Variants in XPA observed in about 807,000 individuals in gnomAD.
The protein encoded by XPA is DNA repair protein complementing XP-A cells.
Under a neutral mutation model 35.7 loss-of-function variants are expected in XPA, and 27 were observed. The ratio of observed to expected loss-of-function variants is 0.76; its 90% CI spans 0.56 to 1.04. XPA has a LOEUF of 1.04. XPA is among the 50% of genes least tolerant of loss of function. The pLI, the probability that XPA is intolerant of heterozygous loss-of-function variation, is 0.00. For synonymous variants in XPA, 133 were observed against 118.4 expected, an observed-to-expected ratio of 1.12 and a Z score of -0.80; for missense variants, 354 against 342.7, an observed-to-expected ratio of 1.03 and a Z score of -0.26.
At chr9:97,683,384 T>C (rs1419890173) in intron 5 of XPA, among the ~76,000 whole-genome samples, 1 of 152,176 alleles carries the variant, frequency 6.6e-6, no homozygotes, top group Non-Finnish European at 1.5e-5. Context: ...AATACAGCAG[T>C]GGCTAATTTT....
At chr9:97,674,810 A>G (rs3176756), downstream of XPA, 61 of 387,880 alleles carry the variant, frequency 1.6e-4, no homozygotes, top group Admixed American at 2.1e-3. Flanking sequence ...ATAGTCAACC[A>G]TGAAAACAGC....
chr9:97,675,762 CT>C (rs1158332402), intron 5 of XPA, 175 bp from the exon 6 acceptor site: 7 of 769,574 alleles, frequency 9.1e-6, no homozygotes, highest in Admixed American at 6.9e-5. Context: ...GGCAAACTTA[CT>C]TTCTTACCTC....
At chr9:97,682,810 T>A (rs989110181) in intron 5 of XPA, among the ~76,000 whole-genome samples, 2 of 152,216 alleles carry the variant, frequency 1.3e-5, no homozygotes, top group Non-Finnish European at 2.9e-5. Context: ...ATATTAAAGT[T>A]TATATTTCTT....
At chr9:97,676,806 T>C (rs2131380970) in intron 5 of XPA, among the ~76,000 whole-genome samples, 1 of 152,334 alleles carries the variant, frequency 6.6e-6, no homozygotes, top group South Asian at 2.1e-4. Flanking sequence ...ACTTTGACAT[T>C]ATTTTAGTGC....
chr9:97,674,624 T>A (rs931793528), downstream of XPA, among the ~76,000 whole-genome samples: 1 of 152,138 alleles, frequency 6.6e-6, no homozygotes, highest in Non-Finnish European at 1.5e-5. Flanking sequence ...TGCGGTGATG[T>A]GAGACTTCAC....
At chr9:97,658,879 T>A in the XPA span, 1 of 674,232 alleles carries the variant, frequency 1.5e-6, no homozygotes, top group East Asian at 2.7e-5. Flanking sequence ...AGGTGGTCTA[T>A]CATTAGCCAC....
At chr9:97,696,293 AC>A (rs1388410545) in intron 1 of XPA, among the ~76,000 whole-genome samples, 14 of 152,214 alleles carry the variant, frequency 9.2e-5, no homozygotes, top group Admixed American at 5.9e-4. Flanking sequence ...GCCCTGAAGA[AC>A]TGCCTGTCAA....
chr9:97,663,100 A>T, the XPA span: 168 of 1,353,896 alleles, frequency 1.2e-4, 3 homozygotes, highest in East Asian at 2.8e-3. Flanking sequence ...GGGTATAAAA[A>T]TAAGGCCGTT....
At chr9:97,689,419 C>A in intron 3 of XPA, 115 bp downstream of exon 3, 1 of 740,846 alleles carries the variant, frequency 1.3e-6, no homozygotes. Flanking sequence ...TAGGAAACAC[C>A]CAAAATGAAA....
At chr9:97,686,411 TA>T (rs1828718517) in intron 4 of XPA, among the ~76,000 whole-genome samples, 1 of 152,214 alleles carries the variant, frequency 6.6e-6, no homozygotes, top group Non-Finnish European at 1.5e-5. Flanking sequence ...TATAGAGCTA[TA>T]TGGACACTCG....
the XPA span, among the ~76,000 whole-genome samples, chr9:97,659,953 T>C: frequency 2.6e-5 from 4 of 152,204 alleles, no homozygotes; most frequent in Admixed American, 6.5e-5. Flanking sequence ...ACTTTGCCAT[T>C]ACCCCAGTCT....
At chr9:97,684,742 T>C (rs1473572065) in intron 5 of XPA, among the ~76,000 whole-genome samples, 181 bp downstream of exon 5, 1 of 152,196 alleles carries the variant, frequency 6.6e-6, no homozygotes, top group Non-Finnish European at 1.5e-5. Flanking sequence ...TGTCGTACTG[T>C]GAGGTTTGAG....
intron 5 of XPA, among the ~76,000 whole-genome samples, chr9:97,684,092 C>T (rs1828631118): frequency 6.6e-6 from 1 of 152,138 alleles, no homozygotes; most frequent in Non-Finnish European, 1.5e-5. Flanking sequence ...ACAAAGTGAC[C>T]TCTGTGCTCC....
chr9:97,691,186 C>T (rs931277126), intron 2 of XPA, among the ~76,000 whole-genome samples: 1 of 152,186 alleles, frequency 6.6e-6, no homozygotes, highest in Non-Finnish European at 1.5e-5. Flanking sequence ...TTTTGTCTCC[C>T]TCCATTCTAT....
At chr9:97,681,990 C>T (rs1828556965) in intron 5 of XPA, among the ~76,000 whole-genome samples, 1 of 152,118 alleles carries the variant, frequency 6.6e-6, no homozygotes, top group Non-Finnish European at 1.5e-5. Flanking sequence ...GCAGTTTCTG[C>T]CTTGTATCTA....
the XPA span, chr9:97,662,924 A>G: frequency 6.8e-7 from 1 of 1,474,470 alleles, no homozygotes; most frequent in Non-Finnish European, 9.4e-7. Flanking sequence ...ATAAGTATAT[A>G]TGGTATTTTT....
intron 2 of XPA, among the ~76,000 whole-genome samples, chr9:97,690,182 T>A (rs910410467): frequency 2.6e-5 from 4 of 152,216 alleles, no homozygotes; most frequent in Non-Finnish European, 5.9e-5. Flanking sequence ...CATAATCACA[T>A]GTCCCTCTGA....
intron 5 of XPA, among the ~76,000 whole-genome samples, chr9:97,679,268 A>G (rs748156080): frequency 1.3e-5 from 2 of 152,242 alleles, no homozygotes; most frequent in African/African-American, 2.4e-5. Flanking sequence ...AATACTGTGT[A>G]TGTATAGAAA....
At chr9:97,679,429 T>C (rs564989838) in intron 5 of XPA, among the ~76,000 whole-genome samples, 1 of 152,290 alleles carries the variant, frequency 6.6e-6, no homozygotes, top group South Asian at 2.1e-4. Context: ...AGACAGGAGC[T>C]ACCTTGAAGG....
Sources: gnomAD v4.1 joint callset for allele counts (sites outside exome capture counted in the v4.1 genomes callset) on GRCh38, gnomAD v4.1.1 for gene constraint, MANE v1.5 for transcripts, NCBI Gene and HGNC (gene_info 2026-07-23, HGNC 2026-07-21) for gene names.